The following ABCA13 variants were observed in gnomAD, a reference collection of about 807,000 sequenced individuals.
ABCA13 encodes the protein ATP binding cassette subfamily A member 13.
Under a neutral mutation model 478.7 loss-of-function variants are expected in ABCA13, and 476 were observed. That is an observed-to-expected ratio of 0.99 (90% CI 0.92 to 1.07). ABCA13 has a LOEUF of 1.07. Among genes scored for constraint, ABCA13 ranks in the 50% least tolerant of loss-of-function variants. The pLI, the probability that ABCA13 is intolerant of heterozygous loss-of-function variation, is 0.00. For missense variants in ABCA13, 6,060 were observed against 5,910.6 expected (o/e 1.03, Z -0.83); for synonymous variants, 2,252 against 2,158.9 (o/e 1.04, Z -1.20).
At chr7:48,444,972 T>C (rs185677933) in intron 42 of ABCA13, among the ~76,000 whole-genome samples, 4 of 152,064 alleles carry the variant, frequency 2.6e-5, no homozygotes, top group Non-Finnish European at 5.9e-5. Flanking sequence ...TGCTCTACAC[T>C]GCAGCCAAGT....
intron 48 of ABCA13, among the ~76,000 whole-genome samples, chr7:48,504,771 G>C (rs1263094554): frequency 1.3e-5 from 2 of 152,152 alleles, no homozygotes; most frequent in Non-Finnish European, 2.9e-5. Context: ...TATAAACACT[G>C]TCTAATGTCG....
intron 42 of ABCA13, among the ~76,000 whole-genome samples, chr7:48,432,582 AC>A (rs1264762252): frequency 1.7e-4 from 26 of 152,218 alleles, no homozygotes; most frequent in Admixed American, 1.7e-3. Context: ...GTGTTCATCA[AC>A]AGATGAATGG....
At chr7:48,258,834 A>T (rs1287209406) in intron 15 of ABCA13, among the ~76,000 whole-genome samples, 1 of 152,142 alleles carries the variant, frequency 6.6e-6, no homozygotes, top group Admixed American at 6.6e-5. Context: ...GTTTTCTAAG[A>T]ATTTTATATT....
Position 48,389,218 on chromosome 7 carries a change from C to T in ABCA13, c.11652C>T (p.Ile3884=). 1.9e-6 allele frequency: 3 copies of T among 1,612,550 alleles called. No individual in the cohort carries two copies. Among genetic ancestry groups the T allele is most frequent in the Non-Finnish European group, 2.5e-6 (3 of 1,179,194 alleles). Residue 3884 remains isoleucine, a splice_region_variant and synonymous_variant, in exon 37 of 62, where the codon ATC becomes ATT. Transcript: ENST00000435803. ...CAAACGGTGCCGGGAAAACCACTATCATGTGGGTCCCATTTTACCCTTATC... is the reference window on the plus strand; with the variant it reads ...CAAACGGTGCCGGGAAAACCACTATTATGTGGGTCCCATTTTACCCTTATC... ...LGTNGAGKTT[I]ISMLTGLHPP...
Position 48,224,033 on chromosome 7 carries a change from C to G in ABCA13, c.468+2724C>G, listed in dbSNP as rs542085292. Among the ~76,000 whole-genome samples the G allele has an allele frequency of 9.3e-5, 14 of 150,644 alleles. 1 individual carries two copies. The South Asian group carries it at 1.9e-3, about 21-fold the overall frequency. ...GTGGAGACAGAGAGTGTATATGACTCAAGATGGTAGGCTGTGAAGCAGTGA... is the reference window on the plus strand; with the variant it reads ...GTGGAGACAGAGAGTGTATATGACTGAAGATGGTAGGCTGTGAAGCAGTGA... On this transcript the variant is annotated intron_variant, in intron 5 of 61. Transcript: ENST00000435803.
intron 31 of ABCA13, among the ~76,000 whole-genome samples, chr7:48,359,271 C>G (rs1012905344): frequency 5.9e-5 from 9 of 151,866 alleles, no homozygotes; most frequent in Non-Finnish European, 8.8e-5. Flanking sequence ...GTTCCTCCAC[C>G]TACTGATGCA....
At chr7:48,239,760 C>A (rs142197198) in intron 9 of ABCA13, among the ~76,000 whole-genome samples, 34 of 152,366 alleles carry the variant, frequency 2.2e-4, no homozygotes, top group African/African-American at 8.2e-4. Flanking sequence ...ATTGGGCATC[C>A]CTCTAGCACT....
At position 48,317,227 on chromosome 7, in the gene ABCA13, A is replaced by G. The variant is rs753072006; in HGVS notation, c.9930A>G (p.Leu3310=). 3.1e-6 allele frequency: 5 copies of G among 1,613,748 alleles called. No individual in the cohort carries two copies. In the South Asian group the frequency reaches 5.5e-5, roughly 18 times the overall value. ...ATGGTGCTTTGGTGTGGACCTTCCT[A>G]AAACCCATATTGCATGGAAAAATAC... The part of the protein sequence containing the change: ...LPNGALVWTF[L]KPILHGKILY... Residue 3310 remains leucine (L), a synonymous_variant, in exon 27 of 62, where the codon CTA becomes CTG. Coordinates refer to ENST00000435803, the MANE Select transcript of ABCA13 (RefSeq NM_152701.5).
In ABCA13 at chr7:48,274,948, C is replaced by T; in HGVS notation, c.5282C>T (p.Pro1761Leu). The T allele has an allele frequency of 6.2e-7, 1 of 1,613,736 alleles. No individual in the cohort carries two copies. The highest frequency in any genetic ancestry group is 2.2e-5 in the East Asian group (1 of 44,878). The change falls in exon 17 of 62, where the codon CCT becomes CTT. Residue 1761 changes from proline to leucine, a missense_variant. Transcript: ENST00000435803. ...PHAVRLLQGVPGKNITEGLKD... is the reference protein window; with the variant it reads ...PHAVRLLQGVLGKNITEGLKD... Reference sequence around the variant, plus strand: ...GCTGTAAGGCTCCTGCAGGGAGTACCTGGTAAAAACATCACTGAAGGCCTC... The same window carrying T: ...GCTGTAAGGCTCCTGCAGGGAGTACTTGGTAAAAACATCACTGAAGGCCTC...
At chr7:48,297,549 C>T (rs1452874515) in intron 22 of ABCA13, among the ~76,000 whole-genome samples, 1 of 152,144 alleles carries the variant, frequency 6.6e-6, no homozygotes, top group Non-Finnish European at 1.5e-5. Flanking sequence ...TTGCTCTGGC[C>T]TTGCCTCCTC....
chr7:48,249,742 C>A (rs963865984), intron 15 of ABCA13, among the ~76,000 whole-genome samples: 2 of 152,190 alleles, frequency 1.3e-5, no homozygotes, highest in Non-Finnish European at 2.9e-5. Flanking sequence ...GACAACTCCC[C>A]ATGAACCTAT....
At position 48,646,177 on chromosome 7, in the gene ABCA13, A is replaced by G. The variant is rs1586084119; in HGVS notation, c.*665A>G. On this transcript the variant is annotated 3_prime_UTR_variant, in exon 62 of 62. Coordinates refer to ENST00000435803, the MANE Select transcript of ABCA13 (RefSeq NM_152701.5). The stretch of plus-strand genomic sequence containing the variant: ...AAATTGAACTAGTTACTCTGTATCA[A>G]TTACAGTAGTTCTACCAGAATCTCC... The G allele has an allele frequency of 6.6e-6, 1 of 152,354 alleles. No individual in the cohort carries two copies. The highest frequency in any genetic ancestry group is 1.5e-5 in the Non-Finnish European group (1 of 68,042). 9.4% of individuals were successfully genotyped at this position (152,354 alleles called of 1,614,324 possible). A position where few individuals can be genotyped will look rare whatever the true frequency, so the allele number is the denominator to read the frequency against.
At chr7:48,364,084 A>G (rs1311311938) in intron 31 of ABCA13, among the ~76,000 whole-genome samples, 1 of 151,938 alleles carries the variant, frequency 6.6e-6, no homozygotes, top group Non-Finnish European at 1.5e-5. Context: ...CTGTCCAGGT[A>G]TCTGCAAGAG....
intron 59 of ABCA13, among the ~76,000 whole-genome samples, chr7:48,619,660 C>G (rs1247393862): frequency 6.6e-6 from 1 of 152,142 alleles, no homozygotes; most frequent in Non-Finnish European, 1.5e-5. Flanking sequence ...AAGGTATCAA[C>G]TAGAGTGTTC....
At chr7:48,418,132 A>C (rs1266936051) in intron 41 of ABCA13, among the ~76,000 whole-genome samples, 2 of 152,196 alleles carry the variant, frequency 1.3e-5, no homozygotes, top group Non-Finnish European at 2.9e-5. Flanking sequence ...TTATGAACAA[A>C]GCTGCTATAA....
chr7:48,358,118 G>A lies in ABCA13; in HGVS notation c.10688+5631G>A, dbSNP rs180747971. Among the ~76,000 whole-genome samples, 8 of 150,304 alleles carry A rather than the reference G, an allele frequency of 5.3e-5. No homozygotes were observed. The East Asian group carries it at 1.4e-3, about 26-fold the overall frequency. On this transcript the variant is annotated intron_variant, in intron 31 of 61. Coordinates refer to ENST00000435803, the MANE Select transcript of ABCA13 (RefSeq NM_152701.5). ...GATTGCACCATTGCACTCCAGCCTG[G>A]GTGACAAGAGCAAACTCCGTCTCAA...
intron 59 of ABCA13, among the ~76,000 whole-genome samples, chr7:48,639,116 T>A (rs1315625614): frequency 6.6e-6 from 1 of 152,230 alleles, no homozygotes; most frequent in African/African-American, 2.4e-5. Flanking sequence ...ACAGAGCTCA[T>A]GTCCTCAGTC....
In ABCA13 at chr7:48,278,455, A is replaced by G. The variant is rs775579816; in HGVS notation, c.7261A>G (p.Thr2421Ala). Reference sequence around the variant, plus strand: ...TCTTCACCTTGTAAGAGAATGTTCAACAGAGATGGCAAGACTTCTGGATAC... The same window carrying G: ...TCTTCACCTTGTAAGAGAATGTTCAGCAGAGATGGCAAGACTTCTGGATAC... ...SALHLVRECS[T>A]EMARLLDTIL... The change falls in exon 18 of 62, where the codon ACA (threonine) becomes GCA (alanine). Residue 2421 changes from threonine (T) to alanine (A), a missense_variant. By Grantham distance (58) the Thr-to-Ala change is moderately conservative. This residue lies in a region of ABCA13 where 4,423 missense variants were observed against 4,309.1 expected (regional missense o/e 1.03). Transcript: ENST00000435803. 2.5e-6 allele frequency: 4 copies of G among 1,613,996 alleles called. No homozygotes were observed. Among genetic ancestry groups the G allele is most frequent in the Non-Finnish European group, 3.4e-6 (4 of 1,179,878 alleles).
intron 41 of ABCA13, among the ~76,000 whole-genome samples, chr7:48,415,782 T>C (rs909447315): frequency 6.6e-6 from 1 of 152,228 alleles, no homozygotes; most frequent in African/African-American, 2.4e-5. Flanking sequence ...GGGTGGATGC[T>C]TAGCTCTTAA....
Sources: allele counts gnomAD v4.1 joint callset (sites outside exome capture counted in the v4.1 genomes callset), GRCh38; gene constraint gnomAD v4.1.1; regional missense constraint gnomAD v4.1.1; transcripts MANE v1.5; gene names NCBI Gene and HGNC (gene_info 2026-07-23, HGNC 2026-07-21).